The following UBE2L3 variants were observed in gnomAD, a reference collection of about 807,000 sequenced individuals.
The protein encoded by UBE2L3 is ubiquitin-conjugating enzyme E2 L3.
Under a neutral mutation model 17.8 loss-of-function variants are expected in UBE2L3, and 1 was observed. The observed-to-expected ratio is 0.06, with a 90% confidence interval of 0.02 to 0.27. The LOEUF is 0.27. UBE2L3 is among the 10% of genes least tolerant of loss of function. UBE2L3 has a pLI of 1.00. For missense variants in UBE2L3, 40 were observed against 192.6 expected, an observed-to-expected ratio of 0.21 and a Z score of 4.69; for synonymous variants, 44 against 68.5, an observed-to-expected ratio of 0.64 and a Z score of 1.76.
rs1156290345 is a variant in UBE2L3 at position 21,612,642 on chromosome 22, TC to T, written c.310+1600del. On this transcript the variant is annotated intron_variant, in intron 3 of 3. Transcript: ENST00000342192. ...ACCCAGCCGATTTTTTCTTTTCTTT[TC>T]TTTTTTTTTTTTTTTTTTTTTTTTT... Among the ~76,000 whole-genome samples the T allele has an allele frequency of 3.6e-4, 46 of 129,536 alleles. 1 individual carries two copies. Among genetic ancestry groups the T allele is most frequent in the African/African-American group, 1.5e-3 (45 of 29,440 alleles). The allele number at this position is 129,536 out of a possible 152,430, so 85.0% of individuals were successfully genotyped here.
chr22:21,568,164 G>C, intron 1 of UBE2L3: 5 of 1,009,062 alleles, frequency 5.0e-6, no homozygotes, highest in African/African-American at 1.7e-5. Context: ...CCTGCCCGGA[G>C]CCCGCGCCGC....
intron 1 of UBE2L3, among the ~76,000 whole-genome samples, chr22:21,555,642 T>G (rs2148387825): frequency 6.6e-6 from 1 of 151,764 alleles, no homozygotes; most frequent in Admixed American, 6.6e-5. Flanking sequence ...AAAAATTTTT[T>G]TTTTGTAGGC....
chr22:21,566,033 C>T (rs185153805), upstream of UBE2L3, among the ~76,000 whole-genome samples: 9 of 146,290 alleles, frequency 6.2e-5, no homozygotes, highest in Admixed American at 2.1e-4. Context: ...AGTGCAGTGG[C>T]GCGGACTTGG....
chr22:21,560,846 T>G (rs1926407433), intron 1 of UBE2L3, among the ~76,000 whole-genome samples: 1 of 152,198 alleles, frequency 6.6e-6, no homozygotes, highest in Admixed American at 6.5e-5. Context: ...ATTTGTTCTG[T>G]CATTTGGCCA....
chr22:21,616,732 C>A (rs1929797855), intron 3 of UBE2L3, among the ~76,000 whole-genome samples: 1 of 149,222 alleles, frequency 6.7e-6, no homozygotes, highest in African/African-American at 2.5e-5. Flanking sequence ...GGCAAAAAAA[C>A]AAAACAAAAC....
At chr22:21,569,148 A>C (rs1248568830) in intron 1 of UBE2L3, among the ~76,000 whole-genome samples, 1 of 151,850 alleles carries the variant, frequency 6.6e-6, no homozygotes, top group African/African-American at 2.4e-5. Context: ...TAATCCCAGC[A>C]CTCCTGGGAG....
At chr22:21,609,982 T>C (rs1929392873) in intron 2 of UBE2L3, among the ~76,000 whole-genome samples, 1 of 152,102 alleles carries the variant, frequency 6.6e-6, no homozygotes, top group Non-Finnish European at 1.5e-5. Flanking sequence ...GCCAAGATCG[T>C]GCCATTGCAT....
At chr22:21,577,703 G>A (rs1927392102) in intron 1 of UBE2L3, among the ~76,000 whole-genome samples, 1 of 152,216 alleles carries the variant, frequency 6.6e-6, no homozygotes, top group East Asian at 1.9e-4. Context: ...TTTCAGATTC[G>A]GTGGCTGTTT....
intron 1 of UBE2L3, among the ~76,000 whole-genome samples, chr22:21,561,660 T>C (rs1358738209): frequency 3.4e-3 from 509 of 151,208 alleles, no homozygotes; most frequent in Middle Eastern, 0.014. Context: ...CCTGCCACGA[T>C]GGACATGGGG....
rs936193557 is a variant in UBE2L3 at position 21,623,181 on chromosome 22, G to C, written c.*1512G>C. 4 of 152,368 alleles carry C rather than the reference G, an allele frequency of 2.6e-5. No individual in the cohort carries two copies. Among genetic ancestry groups the C allele is most frequent in the African/African-American group, 4.8e-5 (2 of 41,436 alleles). 9.4% of individuals were successfully genotyped at this position (152,368 alleles called of 1,614,324 possible). The stretch of plus-strand genomic sequence containing the variant: ...TTTTAATTTTAATTCTATAACTTGA[G>C]ATCTTTCCGGGGCCTACAGGCGTGT... On this transcript the variant is annotated 3_prime_UTR_variant, in exon 4 of 4. Transcript: ENST00000342192.
At chr22:21,584,176 A>AG (rs1348027630) in intron 1 of UBE2L3, among the ~76,000 whole-genome samples, 2 of 131,788 alleles carry the variant, frequency 1.5e-5, no homozygotes, top group African/African-American at 5.6e-5. Flanking sequence ...TGTCTGGCCT[A>AG]AATTTTTTTT....
At chr22:21,600,380 G>A (rs954606041) in intron 2 of UBE2L3, among the ~76,000 whole-genome samples, 3 of 151,208 alleles carry the variant, frequency 2.0e-5, no homozygotes, top group Non-Finnish European at 4.4e-5. Flanking sequence ...AAGGGAATAC[G>A]ATTGAACTCT....
rs543767353 is a variant in UBE2L3 at position 21,590,477 on chromosome 22, C to T, written c.28-2384C>T. Among the ~76,000 whole-genome samples, 5 of 152,326 alleles carry T rather than the reference C, an allele frequency of 3.3e-5. 1 individual carries two copies. The South Asian group carries it at 8.3e-4, about 25-fold the overall frequency. On this transcript the variant is annotated intron_variant, in intron 1 of 3. Coordinates refer to ENST00000342192, the MANE Select transcript of UBE2L3 (RefSeq NM_003347.4). ...CTTCCCAAAGTGTTGGGATTACAGG[C>T]GTGAGCCAACGCACTCAGCCATCAC...
At chr22:21,562,736 A>G (rs906374314), upstream of UBE2L3, among the ~76,000 whole-genome samples, 4 of 130,454 alleles carry the variant, frequency 3.1e-5, no homozygotes, top group Non-Finnish European at 6.2e-5. Flanking sequence ...CAATCTCCTG[A>G]CCTCGTGATC....
At chr22:21,584,067 G>A (rs1927796446) in intron 1 of UBE2L3, among the ~76,000 whole-genome samples, 1 of 151,944 alleles carries the variant, frequency 6.6e-6, no homozygotes, top group Non-Finnish European at 1.5e-5. Context: ...TAGAGACGGG[G>A]TTTCTCCATG....
upstream of UBE2L3, among the ~76,000 whole-genome samples, chr22:21,567,222 G>A (rs1184667960): frequency 6.6e-6 from 1 of 152,006 alleles, no homozygotes; most frequent in Non-Finnish European, 1.5e-5. Context: ...GGAGTGTAGT[G>A]GCAAGATCTC....
intron 3 of UBE2L3, among the ~76,000 whole-genome samples, chr22:21,618,614 G>A (rs1352987165): frequency 6.6e-6 from 1 of 151,028 alleles, no homozygotes; most frequent in Non-Finnish European, 1.5e-5. Context: ...TTTGCGATAG[G>A]GTCTTGCTGT....
chr22:21,609,088 G>A (rs1405830836), intron 2 of UBE2L3, among the ~76,000 whole-genome samples: 7 of 151,826 alleles, frequency 4.6e-5, no homozygotes, highest in Non-Finnish European at 1.0e-4. Flanking sequence ...TAGTAGAGAC[G>A]GGGTTTCACT....
intron 2 of UBE2L3, among the ~76,000 whole-genome samples, chr22:21,603,863 A>C (rs1007225356): frequency 1.3e-5 from 2 of 150,762 alleles, no homozygotes; most frequent in African/African-American, 2.4e-5. Flanking sequence ...GTGGATAAAA[A>C]GTCTGTCCTA....
Sources: allele counts gnomAD v4.1 joint callset (sites outside exome capture counted in the v4.1 genomes callset), GRCh38; gene constraint gnomAD v4.1.1; transcripts MANE v1.5; gene names NCBI Gene and HGNC (gene_info 2026-07-23, HGNC 2026-07-21).